Variants in GPC6 observed in about 807,000 individuals in gnomAD.
GPC6 encodes the protein glypican-6.
In GPC6, 14 loss-of-function variants were observed where a neutral mutation model predicts 55.2. The ratio of observed to expected loss-of-function variants is 0.25; its 90% CI spans 0.17 to 0.40. The LOEUF is 0.40. Among genes scored for constraint, GPC6 ranks in the 10% least tolerant of loss-of-function variants. The pLI, the probability that GPC6 is intolerant of heterozygous loss-of-function variation, is 1.00. For synonymous variants in GPC6, 278 were observed against 259.6 expected (o/e 1.07, Z -0.68); for missense variants, 641 against 708.5 (o/e 0.90, Z 1.08).
intron 1 of GPC6, among the ~76,000 whole-genome samples, chr13:93,433,604 G>T (rs1367335914): frequency 6.6e-6 from 1 of 152,054 alleles, no homozygotes; most frequent in Non-Finnish European, 1.5e-5. Flanking sequence ...CACGTGTAGA[G>T]AAAAATTTAT....
At chr13:93,231,397 G>GTGTATATATA (rs1284453371) in intron 1 of GPC6, among the ~76,000 whole-genome samples, 1 of 45,870 alleles carries the variant, frequency 2.2e-5, no homozygotes, top group Non-Finnish European at 3.9e-5. Flanking sequence ...ATATATATAT[G>GTGTATATATA]TATATATATA....
At chr13:93,440,707 T>TA (rs34101370) in intron 1 of GPC6, among the ~76,000 whole-genome samples, 32,240 of 151,608 alleles carry the variant, frequency 0.21, 3,600 homozygotes, top group Middle Eastern at 0.29. Context: ...ACTGATTTTT[T>TA]ATTATACTTT....
chr13:93,314,754 T>TGCGC lies in GPC6; in HGVS notation c.160+87139_160+87140insCGCG, dbSNP rs143367023. 1.0e-3 allele frequency among the ~76,000 whole-genome samples: 155 copies of TGCGC among 149,396 alleles called. 8 individuals carry two copies. In the Middle Eastern group the frequency reaches 0.017, roughly 17 times the overall value. ...GTGTGTGTGTGTGTGTGTGTGTGTG[T>TGCGC]GTGCACGCATGTGCTGAGAAATGAG... On this transcript the variant is annotated intron_variant, in intron 1 of 8. Transcript: ENST00000377047.
intron 1 of GPC6, among the ~76,000 whole-genome samples, chr13:93,443,737 A>C (rs1877892579): frequency 6.6e-6 from 1 of 152,202 alleles, no homozygotes; most frequent in Admixed American, 6.5e-5. Context: ...TGTCCAATAG[A>C]AGAGAGAAGC....
At chr13:93,393,107 G>GATAT (rs374414019) in intron 1 of GPC6, among the ~76,000 whole-genome samples, 2,442 of 114,382 alleles carry the variant, frequency 0.021, 49 homozygotes, top group East Asian at 0.064. Context: ...ATGTATATTT[G>GATAT]ATATATATAT....
intron 4 of GPC6, among the ~76,000 whole-genome samples, chr13:94,110,062 T>TAAAAAAAAAAAA (rs78404632): frequency 1.2e-5 from 1 of 84,626 alleles, no homozygotes; most frequent in African/African-American, 4.2e-5. Context: ...CACCCTGGAC[T>TAAAAAAAAAAAA]AAAAAAAAAA....
chr13:93,530,179 C>G (rs1419428023), intron 1 of GPC6, among the ~76,000 whole-genome samples: 1 of 152,132 alleles, frequency 6.6e-6, no homozygotes, highest in Non-Finnish European at 1.5e-5. Flanking sequence ...GGCTTTGGCT[C>G]TGTGTTCTGA....
chr13:94,257,905 T>C (rs1891551914), intron 4 of GPC6, among the ~76,000 whole-genome samples: 1 of 152,170 alleles, frequency 6.6e-6, no homozygotes, highest in Non-Finnish European at 1.5e-5. Flanking sequence ...ACCAAATGCA[T>C]ATAACCACTA....
intron 4 of GPC6, among the ~76,000 whole-genome samples, chr13:94,278,764 C>T (rs540510455): frequency 6.6e-6 from 1 of 152,258 alleles, no homozygotes; most frequent in South Asian, 2.1e-4. Flanking sequence ...GTTGAGCCAG[C>T]CTTGCATCCC....
At chr13:94,340,401 G>C (rs1877970396) in intron 6 of GPC6, among the ~76,000 whole-genome samples, 1 of 152,056 alleles carries the variant, frequency 6.6e-6, no homozygotes, top group Non-Finnish European at 1.5e-5. Flanking sequence ...CCAAAGGAAA[G>C]CCATGGAGCT....
At chr13:93,594,259 G>A (rs183987816) in intron 2 of GPC6, among the ~76,000 whole-genome samples, 78 of 151,024 alleles carry the variant, frequency 5.2e-4, no homozygotes, top group African/African-American at 1.6e-3. Flanking sequence ...AGATTATTTC[G>A]TCACCCAGGT....
chr13:93,633,584 C>T (rs528221695), intron 2 of GPC6, among the ~76,000 whole-genome samples: 3 of 151,676 alleles, frequency 2.0e-5, no homozygotes, highest in Admixed American at 1.3e-4. Context: ...TGCCATGAGC[C>T]GAGATGGCGC....
intron 3 of GPC6, among the ~76,000 whole-genome samples, chr13:93,924,845 A>G (rs563456850): frequency 9.9e-5 from 15 of 152,138 alleles, no homozygotes; most frequent in African/African-American, 3.6e-4. Context: ...TTTTTAATTG[A>G]CACCAAAAAA....
chr13:93,807,724 G>A (rs1426412422), intron 2 of GPC6, among the ~76,000 whole-genome samples: 3 of 152,286 alleles, frequency 2.0e-5, no homozygotes, highest in East Asian at 1.9e-4. Context: ...AGGCTGTGAC[G>A]GCTTGACACT....
chr13:93,828,024 C>CT (rs918937611), intron 2 of GPC6, among the ~76,000 whole-genome samples: 25 of 150,430 alleles, frequency 1.7e-4, no homozygotes, highest in Non-Finnish European at 3.0e-4. Flanking sequence ...TTCTCTTTCT[C>CT]TTTTTTTTAA....
chr13:93,334,395 G>A (rs1196699058), intron 1 of GPC6, among the ~76,000 whole-genome samples: 1 of 152,132 alleles, frequency 6.6e-6, no homozygotes, highest in South Asian at 2.1e-4. Context: ...CTAAGATTTT[G>A]TTTAGGATTA....
At chr13:93,527,806 T>C (rs973882251) in intron 1 of GPC6, among the ~76,000 whole-genome samples, 8 of 152,150 alleles carry the variant, frequency 5.3e-5, no homozygotes, top group Admixed American at 2.0e-4. Flanking sequence ...AGGTAATTAT[T>C]ATAAATTAAT....
intron 4 of GPC6, among the ~76,000 whole-genome samples, chr13:94,033,012 A>G (rs1227166994): frequency 6.6e-6 from 1 of 152,240 alleles, no homozygotes; most frequent in Admixed American, 6.5e-5. Flanking sequence ...GGAATGGAAT[A>G]GAGAACAGAT....
intron 1 of GPC6, among the ~76,000 whole-genome samples, chr13:93,270,978 C>G (rs1877503520): frequency 6.6e-6 from 1 of 152,130 alleles, no homozygotes. Flanking sequence ...AGACTTGCAC[C>G]CGTAGTTAAT....
Sources: gnomAD v4.1 joint callset for allele counts (sites outside exome capture counted in the v4.1 genomes callset) on GRCh38, gnomAD v4.1.1 for gene constraint, MANE v1.5 for transcripts, NCBI Gene and HGNC (gene_info 2026-07-23, HGNC 2026-07-21) for gene names.